PROM1: variants seen among roughly 807,000 people sequenced by gnomAD.
The protein encoded by PROM1 is prominin-1.
A neutral mutation model predicts 116.9 loss-of-function variants in PROM1; 105 were observed. That is an observed-to-expected ratio of 0.90 (90% confidence interval 0.77 to 1.06). The LOEUF is 1.06. PROM1 is among the 50% of genes least tolerant of loss of function. The pLI, the probability that PROM1 is intolerant of heterozygous loss-of-function variation, is 0.00. For synonymous variants in PROM1, 393 were observed against 387.0 expected (o/e 1.02, Z -0.18); for missense variants, 1,122 against 1,045.2 (o/e 1.07, Z -1.01).
chr4:16,000,328 A>G (rs10024501), intron 14 of PROM1, among the ~76,000 whole-genome samples, 168 bp downstream of exon 14: 3,308 of 152,328 alleles, frequency 0.022, 90 homozygotes, highest in East Asian at 0.12. Context: ...GATCTACTGA[A>G]TTTATTGAAT....
chr4:16,077,449 A>G (rs950263842), intron 1 of PROM1, among the ~76,000 whole-genome samples: 2 of 152,110 alleles, frequency 1.3e-5, no homozygotes, highest in African/African-American at 4.8e-5. Flanking sequence ...AACACCCAAG[A>G]ATGATCAATA....
intron 2 of PROM1, among the ~76,000 whole-genome samples, chr4:16,046,330 G>A (rs1223518786): frequency 6.6e-6 from 1 of 152,230 alleles, no homozygotes; most frequent in Non-Finnish European, 1.5e-5. Context: ...CTCTCCCTCT[G>A]AGTCTTGTCT....
In PROM1 at chr4:15,970,962, T is replaced by C. The variant is rs148068812; in HGVS notation, c.*24+81A>G. 27 of 1,100,326 alleles carry C rather than the reference T, an allele frequency of 2.5e-5. No individual in the cohort carries two copies. The East Asian group carries it at 7.0e-4, about 28-fold the overall frequency. The allele number at this position is 1,100,326 out of a possible 1,614,324, so 68.2% of individuals were successfully genotyped here. On this transcript the variant is annotated intron_variant, in intron 27 of 27. Transcript: ENST00000447510. ...TTTCCCACTTAATGTGGCAATGTAT[T>C]AGGAATAGCTATGTTTTGATGTTCT... is the stretch of plus-strand genomic sequence containing the variant.
At chr4:16,036,771 C>T (rs1167194465) in intron 3 of PROM1, among the ~76,000 whole-genome samples, 1 of 152,188 alleles carries the variant, frequency 6.6e-6, no homozygotes, top group Non-Finnish European at 1.5e-5. Context: ...CAGCCTTTAT[C>T]AGACTAAATC....
chr4:16,036,088 A>G (rs1733881971), intron 3 of PROM1, among the ~76,000 whole-genome samples: 1 of 152,210 alleles, frequency 6.6e-6, no homozygotes, highest in Non-Finnish European at 1.5e-5. Flanking sequence ...TAACCATGTG[A>G]TCTTCATAAA....
chr4:15,979,758 G>C, intron 25 of PROM1, 123 bp downstream of exon 25: 1 of 1,025,434 alleles, frequency 9.8e-7, no homozygotes, highest in Non-Finnish European at 1.4e-6. Flanking sequence ...ATTTTTGCCT[G>C]TACAGATCTG....
At chr4:16,063,788 GC>G (rs1740890068) in intron 2 of PROM1, among the ~76,000 whole-genome samples, 1 of 152,172 alleles carries the variant, frequency 6.6e-6, no homozygotes, top group Non-Finnish European at 1.5e-5. Context: ...GCATATAATA[GC>G]ATTGTTCTTA....
chr4:16,007,045 T>C (rs1364988544), intron 12 of PROM1, among the ~76,000 whole-genome samples: 1 of 152,218 alleles, frequency 6.6e-6, no homozygotes, highest in East Asian at 1.9e-4. Context: ...TTAAGATTTT[T>C]ATGTTCTTTT....
At chr4:15,994,147 G>C (rs1181259974) in intron 15 of PROM1, 76 bp from the exon 16 acceptor site, 3 of 1,596,346 alleles carry the variant, frequency 1.9e-6, no homozygotes, top group Non-Finnish European at 2.6e-6. Flanking sequence ...AAGATGAGGA[G>C]AAAGGCTCAC....
intron 19 of PROM1, among the ~76,000 whole-genome samples, 161 bp from the exon 20 acceptor site, chr4:15,987,877 C>CTTTTTT (rs56144936): frequency 7.6e-6 from 1 of 132,382 alleles, no homozygotes; most frequent in Non-Finnish European, 1.6e-5. Flanking sequence ...TGTGTACTTT[C>CTTTTTT]TTTTTTTTTT....
In PROM1 at chr4:16,033,504, G is replaced by A. The variant is rs760106228; in HGVS notation, c.309C>T (p.Val103=). 14 of 1,569,024 alleles carry A rather than the reference G, an allele frequency of 8.9e-6. No homozygotes were observed. The highest frequency in any genetic ancestry group is 1.2e-5 in the Non-Finnish European group (14 of 1,154,122). The change falls in exon 5 of 28, where the codon GTC becomes GTT. Residue 103 remains valine (V), a synonymous_variant. Coordinates refer to ENST00000447510, the MANE Select transcript of PROM1 (RefSeq NM_006017.3). ...ATAGAATAATCCCTGCTTCATAGTA[G>A]ACAATCTGCAATTCAAACAAAAGAA... ...PETVILGLKI[V]YYEAGIILCC... is the part of the protein sequence containing the mutation.
intron 14 of PROM1, 145 bp from the exon 15 acceptor site, chr4:15,998,633 AAAT>A (rs1298164409): frequency 2.3e-6 from 2 of 866,226 alleles, no homozygotes; most frequent in African/African-American, 1.8e-5. Context: ...TATAACTAGA[AAAT>A]AATAGTATAA....
chr4:16,014,826 T>C (rs1036129362), intron 10 of PROM1, among the ~76,000 whole-genome samples: 1 of 152,210 alleles, frequency 6.6e-6, no homozygotes, highest in Non-Finnish European at 1.5e-5. Flanking sequence ...TCAGTATCTA[T>C]TAGTTGAATA....
chr4:16,079,119 A>G (rs1418613592), intron 1 of PROM1, among the ~76,000 whole-genome samples: 2 of 152,048 alleles, frequency 1.3e-5, no homozygotes, highest in Non-Finnish European at 2.9e-5. Context: ...ACAGGCAGAG[A>G]GCTAAGCCTC....
In PROM1 at chr4:16,006,597, C is replaced by T. The variant is rs756863714; in HGVS notation, c.1395G>A (p.Arg465=). 6.2e-7 allele frequency: 1 copy of T among 1,607,954 alleles called. No homozygotes were observed. Among genetic ancestry groups the T allele is most frequent in the Non-Finnish European group, 8.5e-7 (1 of 1,177,478 alleles). The change falls in exon 13 of 28, where the codon AGG becomes AGA. Residue 465 remains arginine, a synonymous_variant. Coordinates refer to ENST00000447510, the MANE Select transcript of PROM1 (RefSeq NM_006017.3). ...GLLCGVCGYD[R]HATPTTRGCV... ...AGCCTCGGGTGGTCGGGGTGGCATG[C>T]CTGTCATAGCCGCACACGCCACACA...
At chr4:15,991,360 T>A in intron 17 of PROM1, 67 bp from the exon 18 acceptor site, 1 of 1,046,964 alleles carries the variant, frequency 9.6e-7, no homozygotes, top group Non-Finnish European at 1.4e-6. Flanking sequence ...CAACATCTAG[T>A]AGGCAACAGA....
intron 2 of PROM1, among the ~76,000 whole-genome samples, chr4:16,061,736 C>A (rs1740355636): frequency 6.6e-6 from 1 of 152,142 alleles, no homozygotes. Flanking sequence ...GGCTAGCAAT[C>A]CAAGATCCAG....
At chr4:16,077,730 T>G (rs1185173385) in intron 1 of PROM1, among the ~76,000 whole-genome samples, 1 of 152,176 alleles carries the variant, frequency 6.6e-6, no homozygotes, top group Non-Finnish European at 1.5e-5. Context: ...GCCCTCCCTC[T>G]CAGGCTCTAG....
At chr4:16,016,267 G>A in intron 9 of PROM1, 27 bp from the exon 10 acceptor site, 1 of 1,525,270 alleles carries the variant, frequency 6.6e-7, no homozygotes, top group Non-Finnish European at 8.9e-7. Context: ...CAAAATATAA[G>A]ACAAGGTTGT....
Sources: gnomAD v4.1 joint callset for allele counts (sites outside exome capture counted in the v4.1 genomes callset) on GRCh38, gnomAD v4.1.1 for gene constraint, MANE v1.5 for transcripts, NCBI Gene and HGNC (gene_info 2026-07-23, HGNC 2026-07-21) for gene names.